Variants in TNFSF13B observed in about 807,000 individuals in gnomAD.
TNFSF13B encodes TNF superfamily member 13b.
TNFSF13B carries 8 observed loss-of-function variants against 29.1 expected under a neutral mutation model. That is an observed-to-expected ratio of 0.27 (90% CI 0.16 to 0.50). The LOEUF is 0.50. Ranked by LOEUF, TNFSF13B falls within the 20% of genes least tolerant of loss-of-function variation. The pLI, the probability that TNFSF13B is intolerant of heterozygous loss-of-function variation, is 0.98. For synonymous variants in TNFSF13B, 125 were observed against 130.8 expected, an observed-to-expected ratio of 0.96 and a Z score of 0.30; for missense variants, 248 against 334.9, an observed-to-expected ratio of 0.74 and a Z score of 2.03.
chr13:108,300,305 C>A (rs1324825467), intron 3 of TNFSF13B, among the ~76,000 whole-genome samples: 1 of 152,128 alleles, frequency 6.6e-6, no homozygotes, highest in Non-Finnish European at 1.5e-5. Context: ...TGCATGTCTA[C>A]TGTGGGTCAG....
intron 3 of TNFSF13B, among the ~76,000 whole-genome samples, chr13:108,293,221 C>A (rs867235964): frequency 1.5e-4 from 23 of 152,124 alleles, no homozygotes; most frequent in African/African-American, 5.6e-4. Flanking sequence ...TGTTAAAAAT[C>A]AGTTGTACGT....
intron 2 of TNFSF13B, among the ~76,000 whole-genome samples, chr13:108,282,384 C>T (rs1382442065): frequency 6.6e-6 from 1 of 152,110 alleles, no homozygotes; most frequent in Non-Finnish European, 1.5e-5. Flanking sequence ...GATTCAGTTC[C>T]AGTACAGAAA....
chr13:108,278,591 C>CTCCTCCTCTGCTCCTGTCCTCCT (rs1880827583), intron 2 of TNFSF13B, among the ~76,000 whole-genome samples: 1 of 200 alleles, frequency 5.0e-3, no homozygotes, highest in Non-Finnish European at 9.3e-3. Flanking sequence ...CTCCTCCTCC[C>CTCCTCCTCTGCTCCTGTCCTCCT]CTTCTCTTCC....
In TNFSF13B at chr13:108,305,317, T is replaced by A. The variant is rs933718743; in HGVS notation, c.746-1509T>A. Among the ~76,000 whole-genome samples, 3 of 152,130 alleles carry A rather than the reference T, an allele frequency of 2.0e-5. No homozygotes were observed. In the East Asian group the frequency reaches 5.8e-4, roughly 29 times the overall value. On this transcript the variant is annotated intron_variant, in intron 5 of 5. Transcript: ENST00000375887. ...AATGGCCAACTTAAGAAACCCAACATAATACCAAAGAACCACTTATATACC... is the reference window on the plus strand; with the variant it reads ...AATGGCCAACTTAAGAAACCCAACAAAATACCAAAGAACCACTTATATACC...
At chr13:108,272,324 AAC>A (rs1183356811) in intron 2 of TNFSF13B, among the ~76,000 whole-genome samples, 1 of 152,110 alleles carries the variant, frequency 6.6e-6, no homozygotes, top group Non-Finnish European at 1.5e-5. Context: ...TAAATATTTT[AAC>A]AGTTTTGCTT....
intron 2 of TNFSF13B, among the ~76,000 whole-genome samples, chr13:108,274,510 G>A (rs1176195283): frequency 1.3e-5 from 2 of 151,918 alleles, no homozygotes; most frequent in Non-Finnish European, 2.9e-5. Context: ...ATGACATCAT[G>A]TCTACTATTC....
At chr13:108,304,229 T>G (rs1182541823) in intron 5 of TNFSF13B, among the ~76,000 whole-genome samples, 1 of 152,122 alleles carries the variant, frequency 6.6e-6, no homozygotes, top group African/African-American at 2.4e-5. Flanking sequence ...AGTTGTACAA[T>G]GGCTTCTTTC....
chr13:108,284,923 A>G (rs1017359789), intron 2 of TNFSF13B, among the ~76,000 whole-genome samples: 1 of 152,178 alleles, frequency 6.6e-6, no homozygotes, highest in Admixed American at 6.5e-5. Context: ...AGGCTTTGTT[A>G]TTCCTTTCTT....
intron 2 of TNFSF13B, among the ~76,000 whole-genome samples, chr13:108,274,448 C>G: frequency 6.6e-6 from 1 of 151,654 alleles, no homozygotes; most frequent in East Asian, 1.9e-4. Flanking sequence ...ATAGTATACA[C>G]ACTCATAACT....
intron 3 of TNFSF13B, chr13:108,301,271 C>T (rs1881615417): frequency 6.6e-6 from 1 of 152,178 alleles, no homozygotes; most frequent in South Asian, 2.1e-4. Context: ...CCATGCCCAA[C>T]TCTGCTTAGC....
chr13:108,283,506 C>T (rs1881022590), intron 2 of TNFSF13B, among the ~76,000 whole-genome samples: 1 of 152,158 alleles, frequency 6.6e-6, no homozygotes, highest in South Asian at 2.1e-4. Context: ...CACTGTTTTT[C>T]AATGTGTAGG....
At chr13:108,292,158 C>T (rs1371274463) in intron 3 of TNFSF13B, among the ~76,000 whole-genome samples, 3 of 151,972 alleles carry the variant, frequency 2.0e-5, no homozygotes, top group Non-Finnish European at 4.4e-5. Flanking sequence ...GCCCCTGTAC[C>T]AGCAATCTGC....
At chr13:108,298,636 T>A (rs1419278297) in intron 3 of TNFSF13B, among the ~76,000 whole-genome samples, 1 of 145,334 alleles carries the variant, frequency 6.9e-6, no homozygotes, top group Non-Finnish European at 1.5e-5. Flanking sequence ...TATATATTCT[T>A]TAGACTCAGT....
At chr13:108,301,612 G>A (rs940890474) in intron 3 of TNFSF13B, among the ~76,000 whole-genome samples, 2 of 152,184 alleles carry the variant, frequency 1.3e-5, no homozygotes, top group Non-Finnish European at 2.9e-5. Context: ...GAAGTAGAGA[G>A]TAGAATGGTG....
intron 2 of TNFSF13B, among the ~76,000 whole-genome samples, chr13:108,273,643 T>C (rs1399112595): frequency 6.6e-6 from 1 of 152,224 alleles, no homozygotes; most frequent in Admixed American, 6.5e-5. Flanking sequence ...CATGTGATGC[T>C]AATCATCTCT....
At chr13:108,300,043 T>G (rs533317297) in intron 3 of TNFSF13B, among the ~76,000 whole-genome samples, 1 of 152,290 alleles carries the variant, frequency 6.6e-6, no homozygotes, top group Non-Finnish European at 1.5e-5. Flanking sequence ...TAAATTATTA[T>G]AAAATTTTAG....
chr13:108,276,525 A>T (rs1355332884), intron 2 of TNFSF13B, among the ~76,000 whole-genome samples: 1 of 152,228 alleles, frequency 6.6e-6, no homozygotes, highest in Non-Finnish European at 1.5e-5. Context: ...ACAATCTTAC[A>T]TTATCGTGAG....
At chr13:108,276,880 G>A (rs1192824098) in intron 2 of TNFSF13B, among the ~76,000 whole-genome samples, 1 of 152,038 alleles carries the variant, frequency 6.6e-6, no homozygotes, top group East Asian at 1.9e-4. Flanking sequence ...TAGTTTTAAT[G>A]CTTATTCTTT....
intron 2 of TNFSF13B, among the ~76,000 whole-genome samples, chr13:108,273,871 G>A (rs931848129): frequency 7.9e-5 from 12 of 152,182 alleles, no homozygotes; most frequent in Admixed American, 4.6e-4. Context: ...GGTTTGAACC[G>A]CGAGGGTCCC....
Sources: gnomAD v4.1 joint callset for allele counts (sites outside exome capture counted in the v4.1 genomes callset) on GRCh38, gnomAD v4.1.1 for gene constraint, MANE v1.5 for transcripts, NCBI Gene and HGNC (gene_info 2026-07-23, HGNC 2026-07-21) for gene names.